Variants in AKAP8 observed in about 807,000 individuals in gnomAD.
AKAP8 encodes A-kinase anchor protein 8.
AKAP8 carries 24 observed loss-of-function variants against 67.5 expected under a neutral mutation model. The ratio of observed to expected loss-of-function variants is 0.36; its 90% CI spans 0.26 to 0.50. The LOEUF is 0.50. Among genes scored for constraint, AKAP8 ranks in the 20% least tolerant of loss-of-function variants. The probability of loss-of-function intolerance (pLI) is 0.97; values close to 1 mark genes in which losing one functional copy is unlikely to be tolerated. For missense variants in AKAP8, 971 were observed against 955.9 expected (o/e 1.02, Z -0.21); for synonymous variants, 400 against 371.1 (o/e 1.08, Z -0.90).
chr19:15,362,411 G>A (rs1420453754), intron 9 of AKAP8, among the ~76,000 whole-genome samples, 160 bp from the exon 10 acceptor site: 1 of 17,618 alleles, frequency 5.7e-5, no homozygotes. Context: ...ATGCCGAGCC[G>A]AAGCTGGACG....
At chr19:15,379,337 T>G (rs1289691127) in intron 1 of AKAP8, 1 of 249,864 alleles carries the variant, frequency 4.0e-6, no homozygotes, top group Non-Finnish European at 7.6e-6. Flanking sequence ...CGCCATTTTG[T>G]GGCGTCTTCG....
rs1486837120 is a variant in AKAP8 at position 15,353,633 on chromosome 19, T to C, written c.*1282A>G. 1.3e-5 allele frequency: 2 copies of C among 152,194 alleles called. No individual in the cohort carries two copies. The highest frequency in any genetic ancestry group is 2.9e-5 in the Non-Finnish European group (2 of 68,026). 9.4% of individuals were successfully genotyped at this position (152,194 alleles called of 1,614,324 possible). ...CATGAGCAGGGCCCAATTCCTAGAATGTGCTTGGTGAGTTAGCCCCTGGTA... is the reference window on the plus strand; with the variant it reads ...CATGAGCAGGGCCCAATTCCTAGAACGTGCTTGGTGAGTTAGCCCCTGGTA... On this transcript the variant is annotated 3_prime_UTR_variant, in exon 14 of 14. Coordinates refer to ENST00000269701, the MANE Select transcript of AKAP8 (RefSeq NM_005858.4).
intron 11 of AKAP8, 116 bp from the exon 12 acceptor site, chr19:15,361,094 C>G: frequency 7.4e-7 from 1 of 1,357,030 alleles, no homozygotes; most frequent in South Asian, 1.4e-5. Context: ...AGGGCACAGC[C>G]TGCCTTTCTA....
At chr19:15,379,284 T>C (rs997569868) in intron 1 of AKAP8, 4 of 169,278 alleles carry the variant, frequency 2.4e-5, no homozygotes, top group Middle Eastern at 2.6e-3. Context: ...GCTCCCCGGG[T>C]CCGACCTCAC....
chr19:15,373,380 A>C, intron 4 of AKAP8, 40 bp from the exon 5 acceptor site: 1 of 1,561,202 alleles, frequency 6.4e-7, no homozygotes, highest in Non-Finnish European at 8.7e-7. Context: ...GGTCACCCCG[A>C]TCACCCACTG....
At chr19:15,366,861 G>T (rs1169884643) in intron 9 of AKAP8, among the ~76,000 whole-genome samples, 1 of 151,976 alleles carries the variant, frequency 6.6e-6, no homozygotes, top group Non-Finnish European at 1.5e-5. Flanking sequence ...CGCCTGCCTT[G>T]GCCTCCCAAA....
chr19:15,355,436 G>A (rs1407490837), intron 13 of AKAP8, 66 bp from the exon 14 acceptor site: 1 of 1,457,756 alleles, frequency 6.9e-7, no homozygotes, highest in African/African-American at 1.4e-5. Context: ...TGATTGCGGG[G>A]ATGTCAGCTT....
At chr19:15,364,103 G>T (rs1967027684) in intron 9 of AKAP8, among the ~76,000 whole-genome samples, 2 of 8,932 alleles carry the variant, frequency 2.2e-4, no homozygotes, top group Non-Finnish European at 4.0e-4. Context: ...TAAATTGGCA[G>T]TGGGCAAAAA....
At chr19:15,365,146 G>A (rs969648551) in intron 9 of AKAP8, among the ~76,000 whole-genome samples, 1 of 152,206 alleles carries the variant, frequency 6.6e-6, no homozygotes, top group African/African-American at 2.4e-5. Flanking sequence ...GGCTCTGGCT[G>A]GCAGCTCTTG....
chr19:15,364,872 G>A (rs558983729), intron 9 of AKAP8, among the ~76,000 whole-genome samples: 1 of 152,266 alleles, frequency 6.6e-6, no homozygotes, highest in East Asian at 1.9e-4. Flanking sequence ...TCCCACCTCA[G>A]CCTCCCAAGT....
Position 15,354,184 on chromosome 19 carries a change from CTAATTT to C in AKAP8, c.*725_*730del, listed in dbSNP as rs1252068064. 1 of 151,842 alleles carries C rather than the reference CTAATTT, an allele frequency of 6.6e-6. No individual in the cohort carries two copies. The highest frequency in any genetic ancestry group is 1.5e-5 in the Non-Finnish European group (1 of 67,996). 9.4% of individuals were successfully genotyped at this position (151,842 alleles called of 1,614,324 possible). A position where few individuals can be genotyped will look rare whatever the true frequency, so the allele number is the denominator to read the frequency against. The stretch of plus-strand genomic sequence containing the variant: ...TGTAAATACATTTGAGTGGTAGTAA[CTAATTT>C]TAAAGGAAAAAAACCTGAAGTAATC... On this transcript the variant is annotated 3_prime_UTR_variant, in exon 14 of 14. Coordinates refer to ENST00000269701, the MANE Select transcript of AKAP8 (RefSeq NM_005858.4).
chr19:15,360,473 A>G (rs184093128), intron 12 of AKAP8, among the ~76,000 whole-genome samples: 4 of 152,282 alleles, frequency 2.6e-5, no homozygotes, highest in Non-Finnish European at 4.4e-5. Context: ...TGGGCTCAAC[A>G]TTTAGCCTGA....
At chr19:15,358,927 T>C (rs781248801) in intron 13 of AKAP8, 40 bp downstream of exon 13, 4 of 1,586,928 alleles carry the variant, frequency 2.5e-6, no homozygotes, top group South Asian at 1.1e-5. Context: ...ATCTTCCCTT[T>C]TGAAAGCTTT....
chr19:15,372,721 T>C, intron 5 of AKAP8, 130 bp downstream of exon 5: 1 of 1,290,582 alleles, frequency 7.7e-7, no homozygotes, highest in Non-Finnish European at 1.0e-6. Context: ...CACAATCCTG[T>C]AAATTAACTA....
rs372017389 is a variant in AKAP8 at position 15,362,271 on chromosome 19, A to T, written c.1161-20T>A. 6.2e-7 allele frequency: 1 copy of T among 1,613,572 alleles called. No individual in the cohort carries two copies. The highest frequency in any genetic ancestry group is 1.3e-5 in the African/African-American group (1 of 74,898). ...TGAATTCTGTAGAAGGAAAACAAGGAGGGGAGTGAAGCAGGGAGCATCAGC... is the reference window on the plus strand; with the variant it reads ...TGAATTCTGTAGAAGGAAAACAAGGTGGGGAGTGAAGCAGGGAGCATCAGC... On this transcript the variant is annotated intron_variant, in intron 9 of 13. Transcript: ENST00000269701.
At chr19:15,379,323 G>C (rs1285726194) in intron 1 of AKAP8, 1 of 226,166 alleles carries the variant, frequency 4.4e-6, no homozygotes, top group Admixed American at 5.9e-5. Flanking sequence ...CGCCCCCCTA[G>C]CGCCGCCATT....
At position 15,371,840 on chromosome 19, in the gene AKAP8, CAG is replaced by C. The variant is rs1568252732; in HGVS notation, c.1038+110_1038+111del. 4.1e-6 allele frequency: 5 copies of C among 1,227,632 alleles called. 1 individual carries two copies. The highest frequency in any genetic ancestry group is 1.2e-6 in the Non-Finnish European group (1 of 852,062). 76.0% of individuals were successfully genotyped at this position (1,227,632 alleles called of 1,614,324 possible). On this transcript the variant is annotated intron_variant, in intron 7 of 13. Coordinates refer to ENST00000269701, the MANE Select transcript of AKAP8 (RefSeq NM_005858.4). ...TAAAAGTCAGGGTCCTGAATCCACT[CAG>C]AGGTAGTCAAATCTACCATGGCAGC...
chr19:15,356,138 C>T (rs2048276874), intron 13 of AKAP8, among the ~76,000 whole-genome samples: 1 of 152,018 alleles, frequency 6.6e-6, no homozygotes, highest in African/African-American at 2.4e-5. Flanking sequence ...TGATGGCTCA[C>T]ACCTGTAATC....
At chr19:15,358,936 T>C (rs775698985) in intron 13 of AKAP8, 31 bp downstream of exon 13, 5 of 1,600,150 alleles carry the variant, frequency 3.1e-6, no homozygotes, top group Non-Finnish European at 4.3e-6. Flanking sequence ...TTTGAAAGCT[T>C]TTCCTGTCTG....
Sources: gnomAD v4.1 joint callset for allele counts (sites outside exome capture counted in the v4.1 genomes callset) on GRCh38, gnomAD v4.1.1 for gene constraint, MANE v1.5 for transcripts, NCBI Gene and HGNC (gene_info 2026-07-23, HGNC 2026-07-21) for gene names.